The following SYT17 variants were observed in gnomAD, a reference collection of about 807,000 sequenced individuals.
The protein encoded by SYT17 is synaptotagmin-17.
Under a neutral mutation model 46.7 loss-of-function variants are expected in SYT17, and 22 were observed. The ratio of observed to expected loss-of-function variants is 0.47; its 90% CI spans 0.34 to 0.67. The LOEUF (loss-of-function observed/expected upper bound fraction) is 0.67. Ranked by LOEUF, SYT17 falls within the 30% of genes least tolerant of loss-of-function variation. SYT17 has a pLI of 0.01. For missense variants in SYT17, 519 were observed against 612.8 expected, an observed-to-expected ratio of 0.85 and a Z score of 1.62; for synonymous variants, 251 against 248.4, an observed-to-expected ratio of 1.01 and a Z score of -0.10.
intron 7 of SYT17, among the ~76,000 whole-genome samples, chr16:19,230,743 T>C (rs1414020024): frequency 6.6e-6 from 1 of 152,188 alleles, no homozygotes; most frequent in Non-Finnish European, 1.5e-5. Flanking sequence ...TTACTTGCTG[T>C]GTAATCTTGG....
At chr16:19,173,100 C>T (rs1322624774) in intron 2 of SYT17, 17 of 543,766 alleles carry the variant, frequency 3.1e-5, no homozygotes, top group East Asian at 6.1e-5. Context: ...TCGAACATAT[C>T]GTATAGCCCT....
At chr16:19,186,696 A>T (rs1964804902) in intron 5 of SYT17, among the ~76,000 whole-genome samples, 1 of 152,156 alleles carries the variant, frequency 6.6e-6, no homozygotes, top group Non-Finnish European at 1.5e-5. Flanking sequence ...CTCATTCCTG[A>T]TGATGATGAG....
At chr16:19,253,176 T>C (rs1968311830) in intron 7 of SYT17, among the ~76,000 whole-genome samples, 1 of 152,236 alleles carries the variant, frequency 6.6e-6, no homozygotes, top group Non-Finnish European at 1.5e-5. Flanking sequence ...GGCTGCTTTC[T>C]GCTAGTGCAG....
At chr16:19,192,855 A>T (rs1014164573) in intron 5 of SYT17, among the ~76,000 whole-genome samples, 7 of 152,168 alleles carry the variant, frequency 4.6e-5, no homozygotes, top group Admixed American at 3.9e-4. Context: ...CAAGCATCCG[A>T]ATCAGGTGGG....
chr16:19,173,564 G>A lies in SYT17; in HGVS notation c.168G>A (p.Gln56=). 1.9e-6 allele frequency: 3 copies of A among 1,613,994 alleles called. No individual in the cohort carries two copies. The highest frequency in any genetic ancestry group is 1.7e-6 in the Non-Finnish European group (2 of 1,179,996). The part of the protein sequence containing the change: ...EVEILGPFPA[Q]TPPWLMASRS... ...AAATTCTGGGACCTTTCCCTGCTCA[G>A]ACCCCTCCCTGGCTGTAAGTAAAAC... The change falls in exon 3 of 8, where the codon CAG becomes CAA. Residue 56 remains glutamine, a synonymous_variant. Coordinates refer to ENST00000355377, the MANE Select transcript of SYT17 (RefSeq NM_016524.4).
In SYT17 at chr16:19,262,725, G is replaced by T. The variant is rs114789270; in HGVS notation, c.1229-4155G>T. On this transcript the variant is annotated intron_variant, in intron 7 of 7. Coordinates refer to ENST00000355377, the MANE Select transcript of SYT17 (RefSeq NM_016524.4). ...TCATATAGTCATGGCTGACCATCTG[G>T]GTAGCTGAGCCTCCTTGCAGAGGTA... Among the ~76,000 whole-genome samples the T allele has an allele frequency of 8.8e-3, 1,343 of 152,288 alleles. 12 individuals are homozygous for T. The highest frequency in any genetic ancestry group is 0.03 in the African/African-American group (1,251 of 41,552).
chr16:19,174,426 G>A (rs1016343270), intron 3 of SYT17, among the ~76,000 whole-genome samples: 2 of 152,158 alleles, frequency 1.3e-5, no homozygotes, highest in African/African-American at 4.8e-5. Flanking sequence ...GAGACAGACA[G>A]CGGCCAGGAC....
In SYT17 at chr16:19,267,082, G is replaced by T. The variant is rs774798082; in HGVS notation, c.*6G>T. On this transcript the variant is annotated 3_prime_UTR_variant, in exon 8 of 8. Coordinates refer to ENST00000355377, the MANE Select transcript of SYT17 (RefSeq NM_016524.4). ...CCTCCCTGGAGGTGACCTGAGGGCT[G>T]CAGGGAAGGCAGCTTTCATTTGTTT... The T allele has an allele frequency of 3.2e-6, 5 of 1,552,132 alleles. No individual in the cohort carries two copies. Among genetic ancestry groups the T allele is most frequent in the Non-Finnish European group, 4.3e-6 (5 of 1,154,798 alleles).
intron 7 of SYT17, among the ~76,000 whole-genome samples, chr16:19,242,504 T>C (rs1967204494): frequency 6.6e-6 from 1 of 152,016 alleles, no homozygotes; most frequent in African/African-American, 2.4e-5. Flanking sequence ...GCAAGGAACT[T>C]AGATGATACA....
intron 5 of SYT17, among the ~76,000 whole-genome samples, chr16:19,212,986 A>C (rs1235645080): frequency 6.6e-6 from 1 of 152,228 alleles, no homozygotes. Context: ...GGGACTGAAG[A>C]CAGACTCAGT....
chr16:19,263,407 C>T lies in SYT17; in HGVS notation c.1229-3473C>T, dbSNP rs150078157. Among the ~76,000 whole-genome samples, 13 of 151,998 alleles carry T rather than the reference C, an allele frequency of 8.6e-5. No individual in the cohort carries two copies. The East Asian group carries it at 9.7e-4, about 11-fold the overall frequency. On this transcript the variant is annotated intron_variant, in intron 7 of 7. Coordinates refer to ENST00000355377, the MANE Select transcript of SYT17 (RefSeq NM_016524.4). ...CTGTAATCCCAGCATTTTGGAAGGCCGAGGTGGGCAGATCACCTGAGGTCA... is the reference window on the plus strand; with the variant it reads ...CTGTAATCCCAGCATTTTGGAAGGCTGAGGTGGGCAGATCACCTGAGGTCA...
At chr16:19,232,098 C>T (rs1966718515) in intron 7 of SYT17, among the ~76,000 whole-genome samples, 1 of 152,190 alleles carries the variant, frequency 6.6e-6, no homozygotes, top group Non-Finnish European at 1.5e-5. Flanking sequence ...TGACGTCATA[C>T]TTCAACCTGG....
intron 3 of SYT17, 140 bp from the exon 4 acceptor site, chr16:19,180,251 C>T: frequency 2.4e-6 from 2 of 834,838 alleles, no homozygotes; most frequent in Non-Finnish European, 3.8e-6. Flanking sequence ...AAGGACACCA[C>T]ACTGTCAAAT....
intron 5 of SYT17, among the ~76,000 whole-genome samples, chr16:19,200,023 C>T (rs1269394322): frequency 6.6e-6 from 1 of 152,246 alleles, no homozygotes; most frequent in Non-Finnish European, 1.5e-5. Flanking sequence ...AGGAAACTTG[C>T]CCACAGTCAT....
chr16:19,262,504 A>G (rs533571191), intron 7 of SYT17, among the ~76,000 whole-genome samples: 1 of 152,304 alleles, frequency 6.6e-6, no homozygotes, highest in East Asian at 1.9e-4. Flanking sequence ...AGACTAAGAA[A>G]GGGGAAAGAG....
chr16:19,259,316 A>AT (rs1179701596), intron 7 of SYT17, among the ~76,000 whole-genome samples: 2 of 152,198 alleles, frequency 1.3e-5, no homozygotes, highest in African/African-American at 2.4e-5. Flanking sequence ...AAGGCTTAAC[A>AT]TTTTTTAACT....
At chr16:19,260,336 C>CA (rs34504914) in intron 7 of SYT17, among the ~76,000 whole-genome samples, 606 of 22,888 alleles carry the variant, frequency 0.026, 73 homozygotes, top group African/African-American at 0.044. Flanking sequence ...CAGAAAATAC[C>CA]AAAAAAAAAA....
At chr16:19,224,962 G>A (rs1966451973) in intron 7 of SYT17, 124 bp downstream of exon 7, 1 of 1,071,112 alleles carries the variant, frequency 9.3e-7, no homozygotes. Context: ...CAACTACCTG[G>A]GTTTGAACCC....
intron 7 of SYT17, among the ~76,000 whole-genome samples, chr16:19,229,397 A>C (rs1966603944): frequency 6.6e-6 from 1 of 152,062 alleles, no homozygotes; most frequent in Non-Finnish European, 1.5e-5. Flanking sequence ...TGACATGGCC[A>C]GAGCAGGAGG....
Sources: gnomAD v4.1 joint callset for allele counts (sites outside exome capture counted in the v4.1 genomes callset) on GRCh38, gnomAD v4.1.1 for gene constraint, MANE v1.5 for transcripts, NCBI Gene and HGNC (gene_info 2026-07-23, HGNC 2026-07-21) for gene names.